The following PSG11 variants were observed in gnomAD, a reference collection of about 807,000 sequenced individuals.
The protein encoded by PSG11 is pregnancy specific beta-1-glycoprotein 11.
PSG11 carries 42 observed loss-of-function variants against 36.0 expected under a neutral mutation model. The ratio of observed to expected loss-of-function variants is 1.17; its 90% CI spans 0.91 to 1.51. The LOEUF (loss-of-function observed/expected upper bound fraction) is 1.51, where lower values mean the gene tolerates loss of function less well. Among genes scored for constraint, PSG11 ranks in the 40% most tolerant of loss-of-function variants. The pLI, the probability that PSG11 is intolerant of heterozygous loss-of-function variation, is 0.00. For synonymous variants in PSG11, 206 were observed against 153.5 expected (o/e 1.34, Z -2.53); for missense variants, 558 against 403.5 (o/e 1.38, Z -3.28).
intron 3 of PSG11, chr19:43,018,546 T>A: frequency 9.5e-7 from 1 of 1,057,024 alleles, no homozygotes; most frequent in Non-Finnish European, 1.4e-6. Flanking sequence ...CCCATCACAA[T>A]CTGTGGACCC....
intron 4 of PSG11, chr19:43,014,533 A>T: frequency 1.0e-6 from 1 of 982,914 alleles, no homozygotes; most frequent in Non-Finnish European, 1.2e-6. Context: ...TGGCAGCTCA[A>T]TTTAGCCAAA....
intron 4 of PSG11, chr19:43,010,514 G>T: frequency 1.3e-6 from 1 of 761,090 alleles, no homozygotes; most frequent in Non-Finnish European, 2.1e-6. Flanking sequence ...CTCCCAGGAA[G>T]GGTGTGAAAG....
chr19:43,016,522 A>C (rs1054572864), intron 3 of PSG11, among the ~76,000 whole-genome samples: 17 of 151,374 alleles, frequency 1.1e-4, no homozygotes, highest in African/African-American at 2.9e-4. Context: ...TGAAACCCTG[A>C]AGATACTGAG....
rs969803810 is a variant in PSG11 at position 43,018,007 on chromosome 19, G to A, written c.709+763C>T. 4.6e-5 allele frequency among the ~76,000 whole-genome samples: 7 copies of A among 151,228 alleles called. 1 individual carries two copies. Among genetic ancestry groups the A allele is most frequent in the East Asian group, 3.9e-4 (2 of 5,140 alleles). On this transcript the variant is annotated intron_variant, in intron 3 of 5. Coordinates refer to ENST00000320078, the MANE Select transcript of PSG11 (RefSeq NM_002785.3). ...GGAGCAGAAACATATTCCCTGTCCT[G>A]GGTTTTTGATTTTCCCTCTCCCTTT...
In PSG11 at chr19:43,022,873, G is replaced by T. The variant is rs1967136098; in HGVS notation, c.430+1818C>A. Among the ~76,000 whole-genome samples, 2 of 150,516 alleles carry T rather than the reference G, an allele frequency of 1.3e-5. 1 individual carries two copies. Among genetic ancestry groups the T allele is most frequent in the African/African-American group, 4.9e-5 (2 of 40,570 alleles). Reference sequence around the variant, plus strand: ...GGTGGGCCAGGCCACAGTGTTAGCGGGAAGGGAATAGAACAGCCAGCCTAG... The same window carrying T: ...GGTGGGCCAGGCCACAGTGTTAGCGTGAAGGGAATAGAACAGCCAGCCTAG... On this transcript the variant is annotated intron_variant, in intron 2 of 5. Transcript: ENST00000320078.
At chr19:43,014,460 G>A in intron 4 of PSG11, 2 of 966,716 alleles carry the variant, frequency 2.1e-6, no homozygotes, top group Non-Finnish European at 1.2e-6. Flanking sequence ...TCAGGAGTCT[G>A]CCCTGAGGTT....
chr19:43,022,434 CAGTACTCATTTTTT>C (rs1234725762), intron 2 of PSG11, among the ~76,000 whole-genome samples: 2 of 151,272 alleles, frequency 1.3e-5, no homozygotes, highest in African/African-American at 4.9e-5. Flanking sequence ...CAACAATCAG[CAGTACTCATTTTTT>C]AGTCCTGTGC....
rs557861028 is a variant in PSG11, at chr19:43,020,027, A to C, written c.431-979T>G. The stretch of plus-strand genomic sequence containing the variant: ...CTCTGATTCTGAGTTTGACTACTCT[A>C]TGTACCTGATATCAGTGGATTCCAG... On this transcript the variant is annotated intron_variant, in intron 2 of 5. Coordinates refer to ENST00000320078, the MANE Select transcript of PSG11 (RefSeq NM_002785.3). 2.9e-3 allele frequency among the ~76,000 whole-genome samples: 434 copies of C among 151,360 alleles called. 8 individuals are homozygous for C. Among genetic ancestry groups the C allele is most frequent in the Middle Eastern group, 0.01 (3 of 294 alleles).
In PSG11 at chr19:43,023,257, T is replaced by G. The variant is rs35346729; in HGVS notation, c.430+1434A>C. 4.8e-4 allele frequency among the ~76,000 whole-genome samples: 71 copies of G among 148,670 alleles called. 2 individuals carry two copies. The highest frequency in any genetic ancestry group is 1.4e-3 in the East Asian group (7 of 4,964). ...GCTAGAACCTCCTAGGATTCTGCAT[T>G]CAAGATCCAGTCTCTAAAGAGGTTT... is the stretch of plus-strand genomic sequence containing the variant. On this transcript the variant is annotated intron_variant, in intron 2 of 5. Transcript: ENST00000320078.
chr19:43,011,668 C>T (rs1404703303), intron 4 of PSG11, among the ~76,000 whole-genome samples: 1 of 151,158 alleles, frequency 6.6e-6, no homozygotes, highest in African/African-American at 2.4e-5. Flanking sequence ...AGAAGGATTT[C>T]TTGAGACCAG....
At chr19:43,008,502 T>C (rs796101098) in intron 5 of PSG11, among the ~76,000 whole-genome samples, 1 of 151,152 alleles carries the variant, frequency 6.6e-6, no homozygotes, top group Non-Finnish European at 1.5e-5. Context: ...GGTCTGGATC[T>C]CCTGACCTTA....
chr19:43,024,818 T>C lies in PSG11; in HGVS notation c.303A>G (p.Val101=). 6.2e-7 allele frequency: 1 copy of C among 1,612,094 alleles called. No homozygotes were observed. Among genetic ancestry groups the C allele is most frequent in the Non-Finnish European group, 8.5e-7 (1 of 1,179,120 alleles). ...YGPAYSGRET[V]YSNASLLIQN... is the part of the protein sequence containing the mutation. ...GGATCAGCAGGGATGCATTGGAATA[T>C]ACTGTTTCTCGTCCACTGTATGCCG... is the stretch of plus-strand genomic sequence containing the variant. The change falls in exon 2 of 6, where the codon GTA becomes GTG. Residue 101 remains valine (V), a synonymous_variant. Transcript: ENST00000320078.
chr19:43,014,347 T>C lies in PSG11; in HGVS notation c.964+769A>G, dbSNP rs779687652. On this transcript the variant is annotated intron_variant, in intron 4 of 5. Transcript: ENST00000320078. ...CATGCAGAGCCCCAGGGGTGAATCT[T>C]CCTATTTCTCCAGCTCTGCATCAGT... 58 of 918,904 alleles carry C rather than the reference T, an allele frequency of 6.3e-5. 1 individual carries two copies. Among genetic ancestry groups the C allele is most frequent in the Non-Finnish European group, 6.9e-5 (53 of 770,654 alleles). The allele number at this position is 918,904 out of a possible 1,614,324, so 56.9% of individuals were successfully genotyped here. A position where few individuals can be genotyped will look rare whatever the true frequency, so the allele number is the denominator to read the frequency against.
At chr19:43,010,255 C>T in intron 4 of PSG11, 1 of 1,451,784 alleles carries the variant, frequency 6.9e-7, no homozygotes. Context: ...TCTGTCAATT[C>T]TCTACTGCAC....
chr19:43,024,115 G>A (rs992887040), intron 2 of PSG11, among the ~76,000 whole-genome samples: 3 of 151,376 alleles, frequency 2.0e-5, no homozygotes, highest in African/African-American at 7.3e-5. Flanking sequence ...GGTGAAGAAA[G>A]CTCTGTCCTT....
intron 4 of PSG11, chr19:43,010,506 C>T: frequency 7.2e-6 from 6 of 838,552 alleles, no homozygotes; most frequent in Non-Finnish European, 9.0e-6. Flanking sequence ...CCTACAGGCT[C>T]CCAGGAAGGG....
In PSG11 at chr19:43,009,841, G is replaced by T. The variant is rs557935057; in HGVS notation, c.*40+117C>A. 3.9e-6 allele frequency: 3 copies of T among 775,158 alleles called. No individual in the cohort carries two copies. In the South Asian group the frequency reaches 4.9e-5, roughly 13 times the overall value. 48.0% of individuals were successfully genotyped at this position (775,158 alleles called of 1,614,324 possible). A position where few individuals can be genotyped will look rare whatever the true frequency, so the allele number is the denominator to read the frequency against. The stretch of plus-strand genomic sequence containing the variant: ...TGCAGGAATTAGTGCTGAGAAGCAG[G>T]AGTTAGTGGATGAAGGAGGAGATCC... On this transcript the variant is annotated intron_variant, in intron 5 of 5. Coordinates refer to ENST00000320078, the MANE Select transcript of PSG11 (RefSeq NM_002785.3).
intron 4 of PSG11, chr19:43,010,422 AG>A (rs1974044089): frequency 6.6e-7 from 1 of 1,523,358 alleles, no homozygotes; most frequent in Non-Finnish European, 8.9e-7. Flanking sequence ...TCTCCATGGC[AG>A]GGACCTGATT....
chr19:43,025,934 C>CTT (rs1967240749), intron 1 of PSG11, among the ~76,000 whole-genome samples: 4 of 61,480 alleles, frequency 6.5e-5, no homozygotes, highest in African/African-American at 1.4e-4. Context: ...TTTTTTTTTT[C>CTT]TCTTTTTTTT....
Sources: gnomAD v4.1 joint callset for allele counts (sites outside exome capture counted in the v4.1 genomes callset) on GRCh38, gnomAD v4.1.1 for gene constraint, MANE v1.5 for transcripts, NCBI Gene and HGNC (gene_info 2026-07-23, HGNC 2026-07-21) for gene names.